The following TBC1D16 variants were observed in gnomAD, a reference collection of about 807,000 sequenced individuals.
TBC1D16 encodes TBC1 domain family member 16.
In TBC1D16, 58 loss-of-function variants were observed where a neutral mutation model predicts 74.7. The observed-to-expected ratio is 0.78, with a 90% CI of 0.63 to 0.97. The LOEUF is 0.97. Ranked by LOEUF, TBC1D16 falls within the 50% of genes least tolerant of loss-of-function variation. TBC1D16 has a pLI of 0.00. For missense variants in TBC1D16, 1,014 were observed against 1,079.5 expected, an observed-to-expected ratio of 0.94 and a Z score of 0.85; for synonymous variants, 493 against 474.7, an observed-to-expected ratio of 1.04 and a Z score of -0.50.
At position 79,981,419 on chromosome 17, in the gene TBC1D16, T is replaced by C. The variant is rs1286568900; in HGVS notation, c.780-28601A>G. Among the ~76,000 whole-genome samples, 1 of 152,150 alleles carries C rather than the reference T, an allele frequency of 6.6e-6. No homozygotes were observed. The highest frequency in any genetic ancestry group is 1.9e-4 in the East Asian group (1 of 5,196). On this transcript the variant is annotated intron_variant, in intron 3 of 11. Coordinates refer to ENST00000310924, the MANE Select transcript of TBC1D16 (RefSeq NM_019020.4). This position sits in a 1 kb window ranked among gnomAD's most constrained non-coding sequence, Gnocchi z 6.9. ...GCCTCCACCTCCAGCAATCCTCTAA[T>C]ACCTCCTCAGAGCTTTCCGGAGAGA...
In TBC1D16 at chr17:80,010,287, C is replaced by T. The variant is rs143010961; in HGVS notation, c.652G>A (p.Glu218Lys). ...AAGGAGCTGTCTCTGCTCACGCCCT[C>T]GGCTGACAGTTCCAAAGAGCCATCC... ...EEDGSLELSA[E>K]GVSRDSSFDS... Residue 218 changes from glutamate (E) to lysine (K), a missense_variant, in exon 3 of 12, where the codon GAG (glutamate) becomes AAG (lysine). Glu to Lys is a moderately conservative substitution (Grantham distance 56). Transcript: ENST00000310924. The surrounding 1 kb of genome is among the most constrained non-coding windows in gnomAD (Gnocchi z 8.8). 41 of 1,612,994 alleles carry T rather than the reference C, an allele frequency of 2.5e-5. No individual in the cohort carries two copies. The highest frequency in any genetic ancestry group is 3.2e-5 in the Non-Finnish European group (38 of 1,179,662).
rs4889944 is a variant in TBC1D16 at position 80,008,179 on chromosome 17, A to G, written c.779+1981T>C. 0.16 allele frequency among the ~76,000 whole-genome samples: 24,853 copies of G among 152,064 alleles called. 2,272 individuals carry two copies. The highest frequency in any genetic ancestry group is 0.21 in the Non-Finnish European group (14,302 of 67,982). On this transcript the variant is annotated intron_variant, in intron 3 of 11. Coordinates refer to ENST00000310924, the MANE Select transcript of TBC1D16 (RefSeq NM_019020.4). This position sits in a 1 kb window ranked among gnomAD's most constrained non-coding sequence, Gnocchi z 4.5. ...CCCCCACATGCAGCCAGGTTGAAGAACCAGCAAGGCGAAGGGCGGGGAAAA... is the reference window on the plus strand; with the variant it reads ...CCCCCACATGCAGCCAGGTTGAAGAGCCAGCAAGGCGAAGGGCGGGGAAAA...
chr17:80,003,343 G>A (rs2035560864), intron 3 of TBC1D16, among the ~76,000 whole-genome samples: 2 of 152,188 alleles, frequency 1.3e-5, no homozygotes, highest in Middle Eastern at 3.2e-3. Context: ...CCCCGGGAAC[G>A]CATGCCGGGA....
chr17:79,943,810 G>A (rs909430917), intron 10 of TBC1D16: 38 of 1,311,266 alleles, frequency 2.9e-5, no homozygotes, highest in Non-Finnish European at 3.1e-5. Flanking sequence ...CTGAGTTCAC[G>A]GGTAACATCA....
chr17:80,017,231 T>C (rs971966996), intron 1 of TBC1D16, among the ~76,000 whole-genome samples: 8 of 152,172 alleles, frequency 5.3e-5, no homozygotes, highest in South Asian at 2.1e-4. Flanking sequence ...TCGTGACCAC[T>C]CAACTCGGCC....
Position 79,981,780 on chromosome 17 carries a change from A to T in TBC1D16, c.779+28380T>A, listed in dbSNP as rs898793301. 3.3e-5 allele frequency among the ~76,000 whole-genome samples: 5 copies of T among 152,226 alleles called. No homozygotes were observed. The highest frequency in any genetic ancestry group is 1.2e-4 in the African/African-American group (5 of 41,462). On this transcript the variant is annotated intron_variant, in intron 3 of 11. Coordinates refer to ENST00000310924, the MANE Select transcript of TBC1D16 (RefSeq NM_019020.4). This position sits in a 1 kb window ranked among gnomAD's most constrained non-coding sequence, Gnocchi z 6.9. ...AACGTGCTCACTGCACATAACGCTG[A>T]ACCTGCCACGGGCACGAAGCAGACC... is the stretch of plus-strand genomic sequence containing the variant.
intron 1 of TBC1D16, among the ~76,000 whole-genome samples, chr17:80,013,981 C>T (rs1354502881): frequency 6.6e-6 from 1 of 152,094 alleles, no homozygotes; most frequent in Non-Finnish European, 1.5e-5. Flanking sequence ...TCCACAAAAA[C>T]GTTTTTTTCA....
At chr17:80,016,407 G>A (rs2036092650) in intron 1 of TBC1D16, among the ~76,000 whole-genome samples, 2 of 152,018 alleles carry the variant, frequency 1.3e-5, no homozygotes, top group South Asian at 4.2e-4. Context: ...TGGTTAAAGT[G>A]GTAAGTTTTA....
chr17:80,019,174 T>C (rs2036199208), intron 1 of TBC1D16, among the ~76,000 whole-genome samples: 1 of 150,202 alleles, frequency 6.7e-6, no homozygotes, highest in Non-Finnish European at 1.5e-5. Flanking sequence ...GCACTGAGGA[T>C]AATCAAAAGA....
chr17:79,995,231 C>T (rs1598402445), intron 3 of TBC1D16, among the ~76,000 whole-genome samples: 2 of 151,570 alleles, frequency 1.3e-5, no homozygotes, highest in South Asian at 2.1e-4. Context: ...ACCCAGGAGG[C>T]GGAGGTTGCA....
chr17:79,968,741 T>C (rs2033946734), intron 3 of TBC1D16, among the ~76,000 whole-genome samples: 1 of 143,568 alleles, frequency 7.0e-6, no homozygotes, highest in African/African-American at 2.6e-5. Flanking sequence ...TAGTCCCAGC[T>C]AATCGGGAGG....
intron 3 of TBC1D16, among the ~76,000 whole-genome samples, chr17:79,968,842 C>CAAAAAAAA (rs34365366): frequency 5.4e-5 from 3 of 55,392 alleles, no homozygotes; most frequent in African/African-American, 7.9e-5. Context: ...GATGCCGTCT[C>CAAAAAAAA]AAAAAAAAAA....
At chr17:79,965,312 C>T (rs2143991183) in intron 3 of TBC1D16, among the ~76,000 whole-genome samples, 1 of 152,160 alleles carries the variant, frequency 6.6e-6, no homozygotes, top group East Asian at 1.9e-4. Flanking sequence ...TAACTCCTGA[C>T]CTCAAATGAT....
At chr17:80,024,372 GACAC>G (rs1487394263) in intron 1 of TBC1D16, among the ~76,000 whole-genome samples, 67 of 138,452 alleles carry the variant, frequency 4.8e-4, no homozygotes, top group African/African-American at 1.7e-3. Context: ...ACACACCACA[GACAC>G]ACACACCATA....
At chr17:80,012,930 G>A (rs2144685670) in intron 2 of TBC1D16, among the ~76,000 whole-genome samples, 1 of 152,312 alleles carries the variant, frequency 6.6e-6, no homozygotes, top group East Asian at 1.9e-4. Flanking sequence ...CCACACACTG[G>A]CACTGTGCAG....
Position 79,956,138 on chromosome 17 carries a change from C to T in TBC1D16, c.780-3320G>A, listed in dbSNP as rs981442804. 2.6e-5 allele frequency among the ~76,000 whole-genome samples: 4 copies of T among 152,250 alleles called. No homozygotes were observed. Among genetic ancestry groups the T allele is most frequent in the African/African-American group, 7.2e-5 (3 of 41,458 alleles). ...TGGAGGCCGTTCCAGACCCTCCGCC[C>T]ACCCAAGCCTCCTGGTGGCTGCAGC... On this transcript the variant is annotated intron_variant, in intron 3 of 11. Transcript: ENST00000310924. The surrounding 1 kb of genome is among the most constrained non-coding windows in gnomAD (Gnocchi z 4.0).
chr17:80,034,240 C>A (rs1180432666), intron 1 of TBC1D16, among the ~76,000 whole-genome samples: 1 of 144,170 alleles, frequency 6.9e-6, no homozygotes, highest in Non-Finnish European at 1.5e-5. Flanking sequence ...GTTGCTCTAT[C>A]ACCCGGGCTG....
chr17:80,012,197 G>C (rs565080610), intron 2 of TBC1D16, among the ~76,000 whole-genome samples: 6 of 151,294 alleles, frequency 4.0e-5, no homozygotes, highest in Non-Finnish European at 8.8e-5. Context: ...ATGTCAGCCA[G>C]CTGGGCATTA....
At chr17:80,032,275 G>A (rs1032493876) in intron 1 of TBC1D16, among the ~76,000 whole-genome samples, 2 of 152,196 alleles carry the variant, frequency 1.3e-5, no homozygotes, top group Admixed American at 1.3e-4. Flanking sequence ...GCAGACACAT[G>A]TATCACCTTC....
Sources: gnomAD v4.1 joint callset for allele counts (sites outside exome capture counted in the v4.1 genomes callset) on GRCh38, gnomAD v4.1.1 for gene constraint, Gnocchi (gnomAD v3.1) non-coding constraint, MANE v1.5 for transcripts, NCBI Gene and HGNC (gene_info 2026-07-23, HGNC 2026-07-21) for gene names.